The following REDIC1 variants were observed in gnomAD, a reference collection of about 807,000 sequenced individuals.
The protein encoded by REDIC1 is HEI10 Interacting Protein 1.
the REDIC1 span, among the ~76,000 whole-genome samples, chr12:39,895,859 TGTATATGC>T: frequency 3.1e-4 from 45 of 143,054 alleles, 12 homozygotes; most frequent in South Asian, 1.1e-3. Context: ...TGTATATGCG[TGTATATGC>T]ACACACATAT....
At chr12:39,835,947 C>T in the REDIC1 span, among the ~76,000 whole-genome samples, 2 of 152,164 alleles carry the variant, frequency 1.3e-5, no homozygotes, top group Middle Eastern at 3.4e-3. Flanking sequence ...TAAATTGCCA[C>T]GTGGTGAAAG....
chr12:39,890,209 G>A, the REDIC1 span, among the ~76,000 whole-genome samples: 10,089 of 152,042 alleles, frequency 0.066, 440 homozygotes, highest in Admixed American at 0.13. Flanking sequence ...TCTCCTTACA[G>A]AGAAAACCTG....
the REDIC1 span, among the ~76,000 whole-genome samples, chr12:39,704,120 A>T: frequency 6.6e-6 from 1 of 152,044 alleles, no homozygotes; most frequent in Non-Finnish European, 1.5e-5. Context: ...AGAAACTACC[A>T]TCAGAGTGAA....
chr12:39,666,332 T>A, the REDIC1 span, among the ~76,000 whole-genome samples: 4 of 152,232 alleles, frequency 2.6e-5, no homozygotes, highest in African/African-American at 7.2e-5. Flanking sequence ...ATCATGTGGC[T>A]TTTGTTGTTG....
chr12:39,708,738 T>G, the REDIC1 span, among the ~76,000 whole-genome samples: 1 of 151,818 alleles, frequency 6.6e-6, no homozygotes, highest in Non-Finnish European at 1.5e-5. Context: ...TCTTTCCTAA[T>G]CTTCATGTGC....
chr12:39,795,695 G>A, the REDIC1 span, among the ~76,000 whole-genome samples: 5 of 152,222 alleles, frequency 3.3e-5, no homozygotes, highest in East Asian at 3.9e-4. Flanking sequence ...AGCTACTTTC[G>A]AGTAAATCTT....
chr12:39,713,003 GTATATATA>G, the REDIC1 span, among the ~76,000 whole-genome samples: 4 of 137,836 alleles, frequency 2.9e-5, no homozygotes, highest in Admixed American at 1.4e-4. Flanking sequence ...ACGTGTATAT[GTATATATA>G]CATGTGTATA....
At chr12:39,835,415 T>C in the REDIC1 span, among the ~76,000 whole-genome samples, 1 of 152,078 alleles carries the variant, frequency 6.6e-6, no homozygotes, top group South Asian at 2.1e-4. Flanking sequence ...AGGGCAGAAA[T>C]TATAGGTATG....
At chr12:39,807,397 T>A in the REDIC1 span, among the ~76,000 whole-genome samples, 2 of 152,202 alleles carry the variant, frequency 1.3e-5, no homozygotes, top group African/African-American at 4.8e-5. Context: ...ATCAATCTCC[T>A]GGGTGAAACT....
the REDIC1 span, among the ~76,000 whole-genome samples, chr12:39,649,486 A>G: frequency 1.3e-5 from 2 of 150,860 alleles, no homozygotes; most frequent in East Asian, 3.9e-4. Flanking sequence ...TCTCTCTTAG[A>G]TGTATTAGTT....
the REDIC1 span, among the ~76,000 whole-genome samples, chr12:39,642,431 C>G: frequency 6.6e-6 from 1 of 151,596 alleles, no homozygotes; most frequent in Admixed American, 6.6e-5. Context: ...CTCCTCCCTT[C>G]CCTGTACCCA....
the REDIC1 span, chr12:39,759,972 C>T: frequency 4.3e-6 from 6 of 1,389,418 alleles, no homozygotes; most frequent in African/African-American, 7.1e-5. Context: ...TCACCAATTG[C>T]TGTTCTTCTC....
chr12:39,660,521 T>C, the REDIC1 span, among the ~76,000 whole-genome samples: 1 of 152,156 alleles, frequency 6.6e-6, no homozygotes. Flanking sequence ...AATTTTTTAT[T>C]GATACATATT....
the REDIC1 span, among the ~76,000 whole-genome samples, chr12:39,690,585 G>C: frequency 6.6e-6 from 1 of 152,038 alleles, no homozygotes; most frequent in South Asian, 2.1e-4. Context: ...TATTGAATAT[G>C]AATTCTTTTC....
the REDIC1 span, among the ~76,000 whole-genome samples, chr12:39,790,309 C>T: frequency 0.012 from 1,800 of 150,266 alleles, 37 homozygotes; most frequent in African/African-American, 0.041. Context: ...TGTGCTGGTG[C>T]GCTGCACCCA....
At chr12:39,887,770 G>A in the REDIC1 span, among the ~76,000 whole-genome samples, 1 of 152,062 alleles carries the variant, frequency 6.6e-6, no homozygotes, top group Non-Finnish European at 1.5e-5. Context: ...TTTCTCCTTG[G>A]CAAGGAAGGA....
chr12:39,749,997 A>C, the REDIC1 span, among the ~76,000 whole-genome samples: 23 of 152,210 alleles, frequency 1.5e-4, no homozygotes, highest in African/African-American at 5.1e-4. Context: ...ATTCCCTTTG[A>C]AACCTGGCAC....
At chr12:39,816,700 T>C in the REDIC1 span, among the ~76,000 whole-genome samples, 1 of 151,832 alleles carries the variant, frequency 6.6e-6, no homozygotes, top group Non-Finnish European at 1.5e-5. Flanking sequence ...AATAAAACAC[T>C]AGGATGAAAA....
At chr12:39,648,261 A>G in the REDIC1 span, among the ~76,000 whole-genome samples, 4 of 151,996 alleles carry the variant, frequency 2.6e-5, no homozygotes, top group Non-Finnish European at 5.9e-5. Flanking sequence ...AGTGTGTTAT[A>G]TAGTAGTTGA....
Sources: allele counts gnomAD v4.1 joint callset (sites outside exome capture counted in the v4.1 genomes callset), GRCh38; gene constraint gnomAD v4.1.1; transcripts MANE v1.5; gene names NCBI Gene and HGNC (gene_info 2026-07-23, HGNC 2026-07-21).